Variants in MNAT1 observed in about 807,000 individuals in gnomAD.
The protein encoded by MNAT1 is MNAT1 component of CDK activating kinase, also known as CDK-activating kinase assembly factor MAT1.
In MNAT1, 43 loss-of-function variants were observed where a neutral mutation model predicts 42.0. The observed-to-expected ratio is 1.02, with a 90% CI of 0.80 to 1.32. The LOEUF is 1.32. MNAT1 is among the 40% of genes most tolerant of loss of function. The probability of loss-of-function intolerance (pLI) is 0.00; values close to 1 mark genes in which losing one functional copy is unlikely to be tolerated. For missense variants in MNAT1, 306 were observed against 350.4 expected, an observed-to-expected ratio of 0.87 and a Z score of 1.01; for synonymous variants, 118 against 120.0, an observed-to-expected ratio of 0.98 and a Z score of 0.11.
At position 60,741,669 on chromosome 14, in the gene MNAT1, T is replaced by TTTTG. The variant is rs1390475620; in HGVS notation, c.89+6721_89+6722insGTTT. 7.4e-4 allele frequency among the ~76,000 whole-genome samples: 109 copies of TTTTG among 147,090 alleles called. 3 individuals carry two copies. Among genetic ancestry groups the TTTTG allele is most frequent in the African/African-American group, 2.3e-3 (94 of 40,228 alleles). ...CCACTGCGCCTGGGGTTTTTTTTTT[T>TTTTG]TTTTTTTTTTTAATTTTTAGTAGAG... On this transcript the variant is annotated intron_variant, in intron 1 of 7. Transcript: ENST00000261245.
intron 7 of MNAT1, among the ~76,000 whole-genome samples, chr14:60,884,992 T>G (rs2034631684): frequency 6.6e-6 from 1 of 151,966 alleles, no homozygotes; most frequent in South Asian, 2.1e-4. Flanking sequence ...GGCAAAAGCT[T>G]TTTCCTTCAT....
intron 4 of MNAT1, chr14:60,808,808 C>G (rs758169505): frequency 6.5e-6 from 1 of 153,108 alleles, no homozygotes. Flanking sequence ...AAAACCCAGA[C>G]AGACGGTGAT....
intron 6 of MNAT1, among the ~76,000 whole-genome samples, chr14:60,843,293 T>C (rs1383309370): frequency 2.0e-5 from 3 of 152,134 alleles, no homozygotes; most frequent in Non-Finnish European, 4.4e-5. Flanking sequence ...TCTTTTGGGA[T>C]GGAGTCTCGC....
chr14:60,939,118 T>C (rs1397814380), intron 7 of MNAT1, among the ~76,000 whole-genome samples: 1 of 152,206 alleles, frequency 6.6e-6, no homozygotes, highest in East Asian at 1.9e-4. Flanking sequence ...TTGATTCTTC[T>C]CTCTTTTCTT....
intron 6 of MNAT1, among the ~76,000 whole-genome samples, chr14:60,819,564 G>A (rs1221021560): frequency 2.6e-5 from 4 of 152,022 alleles, no homozygotes; most frequent in Non-Finnish European, 5.9e-5. Context: ...AAATGTTTGA[G>A]GTGATGGATA....
At chr14:60,838,465 TC>T (rs1312699730) in intron 6 of MNAT1, among the ~76,000 whole-genome samples, 1 of 152,206 alleles carries the variant, frequency 6.6e-6, no homozygotes, top group Non-Finnish European at 1.5e-5. Context: ...TGTTTTCCAT[TC>T]CATTGATATT....
intron 1 of MNAT1, among the ~76,000 whole-genome samples, chr14:60,767,131 C>T (rs184652361): frequency 1.9e-4 from 29 of 152,258 alleles, no homozygotes; most frequent in African/African-American, 6.5e-4. Context: ...CCATATGCTT[C>T]TTGAGGTGTT....
At chr14:60,911,153 G>A (rs544947849) in intron 7 of MNAT1, among the ~76,000 whole-genome samples, 1,946 of 152,228 alleles carry the variant, frequency 0.013, 38 homozygotes, top group African/African-American at 0.045. Flanking sequence ...TTGTATTTCT[G>A]TGGGATCGGT....
intron 6 of MNAT1, among the ~76,000 whole-genome samples, chr14:60,838,971 C>T (rs1232409386): frequency 6.6e-6 from 1 of 152,100 alleles, no homozygotes; most frequent in Admixed American, 6.5e-5. Context: ...GAATGAGGAG[C>T]ATGAGAGGGA....
At chr14:60,935,363 C>G (rs1229490026) in intron 7 of MNAT1, among the ~76,000 whole-genome samples, 2 of 138,426 alleles carry the variant, frequency 1.4e-5, no homozygotes, top group African/African-American at 5.3e-5. Context: ...TCTTTCTTAG[C>G]ATTATAGTTG....
intron 7 of MNAT1, among the ~76,000 whole-genome samples, chr14:60,886,939 G>T (rs753053638): frequency 6.6e-6 from 1 of 152,018 alleles, no homozygotes; most frequent in Non-Finnish European, 1.5e-5. Flanking sequence ...TCCTTGTCTT[G>T]GGGTCAGGCA....
rs1442312069 is a variant in MNAT1, at chr14:60,917,563, T to A, written c.809+37728T>A. ...GAACATGGGACATATGCAACTTGTA[T>A]ATGTTGAATCCATATTTCAAATACA... On this transcript the variant is annotated intron_variant, in intron 7 of 7. Transcript: ENST00000261245. Among the ~76,000 whole-genome samples, 4 of 152,166 alleles carry A rather than the reference T, an allele frequency of 2.6e-5. No homozygotes were observed. The South Asian group carries it at 8.3e-4, about 31-fold the overall frequency.
At chr14:60,869,863 G>A (rs893570029) in intron 6 of MNAT1, among the ~76,000 whole-genome samples, 2 of 151,930 alleles carry the variant, frequency 1.3e-5, no homozygotes, top group African/African-American at 4.8e-5. Context: ...CATTCTAAAT[G>A]TGTGTTTCTA....
chr14:60,952,443 C>T (rs2036401015), intron 7 of MNAT1, among the ~76,000 whole-genome samples: 1 of 152,122 alleles, frequency 6.6e-6, no homozygotes, highest in South Asian at 2.1e-4. Context: ...AGACTATTCA[C>T]ATTAGTCTGT....
chr14:60,951,786 G>T (rs2036388993), intron 7 of MNAT1, among the ~76,000 whole-genome samples: 2 of 151,598 alleles, frequency 1.3e-5, no homozygotes, highest in African/African-American at 4.8e-5. Flanking sequence ...ATTTTACTGT[G>T]AATTTTTTTT....
At chr14:60,801,418 A>C (rs1027781003) in intron 3 of MNAT1, among the ~76,000 whole-genome samples, 12 of 152,228 alleles carry the variant, frequency 7.9e-5, no homozygotes, top group Non-Finnish European at 1.5e-4. Context: ...TAATCTACAG[A>C]GTGGGAGAGA....
intron 7 of MNAT1, among the ~76,000 whole-genome samples, chr14:60,916,083 T>C (rs1195975043): frequency 6.6e-6 from 1 of 152,228 alleles, no homozygotes; most frequent in Non-Finnish European, 1.5e-5. Context: ...GCTTAGTTGT[T>C]GCCTTTATCC....
intron 5 of MNAT1, among the ~76,000 whole-genome samples, chr14:60,815,100 A>G (rs1240093336): frequency 2.0e-5 from 3 of 152,170 alleles, no homozygotes; most frequent in Non-Finnish European, 1.5e-5. Context: ...AATCCCAAAT[A>G]TAGAACTTTG....
chr14:60,881,662 A>G (rs1364110433), intron 7 of MNAT1, among the ~76,000 whole-genome samples: 1 of 152,080 alleles, frequency 6.6e-6, no homozygotes, highest in African/African-American at 2.4e-5. Context: ...TTTTGTGGGC[A>G]CATAGTAGGT....
Sources: gnomAD v4.1 joint callset for allele counts (sites outside exome capture counted in the v4.1 genomes callset) on GRCh38, gnomAD v4.1.1 for gene constraint, MANE v1.5 for transcripts, NCBI Gene and HGNC (gene_info 2026-07-23, HGNC 2026-07-21) for gene names.